Variants in SLC27A6 observed in about 807,000 individuals in gnomAD.
The protein encoded by SLC27A6 is solute carrier family 27 member 6, also known as long-chain fatty acid transport protein 6.
Under a neutral mutation model 63.9 loss-of-function variants are expected in SLC27A6, and 74 were observed. The observed-to-expected ratio is 1.16, with a 90% confidence interval of 0.96 to 1.40. The LOEUF is 1.40. Ranked by LOEUF, SLC27A6 falls within the 40% of genes most tolerant of loss-of-function variation. The probability of loss-of-function intolerance (pLI) is 0.00; values close to 1 mark genes in which losing one functional copy is unlikely to be tolerated. For missense variants in SLC27A6, 794 were observed against 732.9 expected (o/e 1.08, Z -0.96); for synonymous variants, 287 against 260.8 (o/e 1.10, Z -0.97).
chr5:128,967,925 C>G (rs6595871), intron 1 of SLC27A6, among the ~76,000 whole-genome samples: 19 of 151,946 alleles, frequency 1.3e-4, no homozygotes, highest in Non-Finnish European at 2.2e-4. Flanking sequence ...CCCCACCCCA[C>G]GACAGGCCCT....
chr5:129,027,037 T>G, intron 6 of SLC27A6, 96 bp from the exon 7 acceptor site: 4 of 977,060 alleles, frequency 4.1e-6, no homozygotes, highest in Admixed American at 1.9e-5. Flanking sequence ...ATAAGCAGCA[T>G]TGGTTGTGCT....
Position 129,027,173 on chromosome 5 carries a change from T to C in SLC27A6, c.1296T>C (p.Asn432=). 6.2e-7 allele frequency: 1 copy of C among 1,613,442 alleles called. No individual in the cohort carries two copies. Among genetic ancestry groups the C allele is most frequent in the Non-Finnish European group, 8.5e-7 (1 of 1,179,552 alleles). ...TCATTTCTCGAGTGAATGCAAAAAA[T>C]CCCTTCTTTGGCTATGCTGGGCCTT... The part of the protein sequence containing the change: ...GLLISRVNAK[N]PFFGYAGPYK... Residue 432 remains asparagine (N), a synonymous_variant, in exon 7 of 10, where the codon AAT becomes AAC. Transcript: ENST00000262462.
intron 1 of SLC27A6, among the ~76,000 whole-genome samples, chr5:128,981,622 T>C (rs535830992): frequency 6.6e-6 from 1 of 152,258 alleles, no homozygotes; most frequent in South Asian, 2.1e-4. Context: ...AGCAGAAGGA[T>C]GGAGGAGAAC....
At position 128,965,949 on chromosome 5, in the gene SLC27A6, C is replaced by T. The variant is rs1749869263; in HGVS notation, c.-189C>T. On this transcript the variant is annotated 5_prime_UTR_variant, in exon 1 of 10. Coordinates refer to ENST00000262462, the MANE Select transcript of SLC27A6 (RefSeq NM_001017372.3). ...TCAGCACCACTTGGGGCGACCTTTT[C>T]GGTGCAAACCTACGATTCTGTTTCT... is the stretch of plus-strand genomic sequence containing the variant. 8.4e-6 allele frequency: 5 copies of T among 592,102 alleles called. No homozygotes were observed. The highest frequency in any genetic ancestry group is 1.0e-4 in the South Asian group (2 of 19,744). 36.7% of individuals were successfully genotyped at this position (592,102 alleles called of 1,614,324 possible).
At chr5:128,992,574 G>A (rs1751021303) in intron 4 of SLC27A6, among the ~76,000 whole-genome samples, 3 of 152,184 alleles carry the variant, frequency 2.0e-5, no homozygotes, top group African/African-American at 7.2e-5. Context: ...AAGACAAAGA[G>A]TTCCAGATAA....
chr5:128,968,862 G>A (rs536038240), intron 1 of SLC27A6, among the ~76,000 whole-genome samples: 1 of 152,290 alleles, frequency 6.6e-6, no homozygotes, highest in South Asian at 2.1e-4. Context: ...GAATGGTATT[G>A]CCTAGATTTT....
At chr5:129,005,757 C>T (rs932764600) in intron 4 of SLC27A6, among the ~76,000 whole-genome samples, 2 of 151,426 alleles carry the variant, frequency 1.3e-5, no homozygotes, top group Non-Finnish European at 2.9e-5. Flanking sequence ...GGACTACAGG[C>T]GCCTGCCACC....
chr5:128,970,409 G>T (rs1438275247), intron 1 of SLC27A6, among the ~76,000 whole-genome samples: 1 of 152,094 alleles, frequency 6.6e-6, no homozygotes, highest in African/African-American at 2.4e-5. Context: ...TGGTTGGTAG[G>T]CTATTAATTA....
At chr5:129,009,671 TTGTGTG>T (rs71000903) in intron 4 of SLC27A6, among the ~76,000 whole-genome samples, 13 of 149,162 alleles carry the variant, frequency 8.7e-5, no homozygotes, top group Non-Finnish European at 1.3e-4. Flanking sequence ...TAACATTTCT[TTGTGTG>T]TGTGTGTGTG....
At chr5:129,022,049 T>A (rs1752091644) in intron 5 of SLC27A6, among the ~76,000 whole-genome samples, 1 of 152,214 alleles carries the variant, frequency 6.6e-6, no homozygotes, top group Non-Finnish European at 1.5e-5. Flanking sequence ...TTGGCCAAGA[T>A]GATAAAGGCA....
chr5:128,969,299 A>G (rs1750042685), intron 1 of SLC27A6, among the ~76,000 whole-genome samples: 1 of 152,004 alleles, frequency 6.6e-6, no homozygotes, highest in South Asian at 2.1e-4. Flanking sequence ...AATTCTGTGA[A>G]GAAAGTCATT....
rs143794579 is a variant in SLC27A6 at position 129,014,629 on chromosome 5, A to T, written c.970-1256A>T. Among the ~76,000 whole-genome samples, 16 of 152,324 alleles carry T rather than the reference A, an allele frequency of 1.1e-4. No individual in the cohort carries two copies. In the East Asian group the frequency reaches 3.1e-3, roughly 29 times the overall value. Reference sequence around the variant, plus strand: ...CCCAAACTGGTGTCTGTCTGGCTAGACATCTCCAGAGATTACTTTCCAGTC... The same window carrying T: ...CCCAAACTGGTGTCTGTCTGGCTAGTCATCTCCAGAGATTACTTTCCAGTC... On this transcript the variant is annotated intron_variant, in intron 4 of 9. Coordinates refer to ENST00000262462, the MANE Select transcript of SLC27A6 (RefSeq NM_001017372.3).
intron 4 of SLC27A6, among the ~76,000 whole-genome samples, chr5:129,004,354 CTG>C (rs1338313348): frequency 6.6e-6 from 1 of 152,168 alleles, no homozygotes; most frequent in Non-Finnish European, 1.5e-5. Context: ...CTGTCTGGCT[CTG>C]TCTCTCACCT....
intron 4 of SLC27A6, among the ~76,000 whole-genome samples, chr5:129,002,133 A>G (rs1751357176): frequency 6.6e-6 from 1 of 152,220 alleles, no homozygotes; most frequent in Admixed American, 6.5e-5. Flanking sequence ...TCTGTATTAA[A>G]AGCTCTGGGC....
intron 1 of SLC27A6, among the ~76,000 whole-genome samples, chr5:128,981,213 C>T (rs1370834982): frequency 6.6e-6 from 1 of 152,122 alleles, no homozygotes; most frequent in Non-Finnish European, 1.5e-5. Context: ...GGCGTGGTGG[C>T]TCATGTCTAT....
intron 1 of SLC27A6, among the ~76,000 whole-genome samples, chr5:128,979,685 T>C (rs1750517347): frequency 6.6e-6 from 1 of 152,148 alleles, no homozygotes; most frequent in Non-Finnish European, 1.5e-5. Flanking sequence ...TGTTCGACTT[T>C]TTCTTTTTTG....
intron 4 of SLC27A6, among the ~76,000 whole-genome samples, chr5:129,001,487 T>C (rs1751333212): frequency 1.3e-5 from 2 of 152,166 alleles, no homozygotes; most frequent in African/African-American, 4.8e-5. Flanking sequence ...GTGACACATG[T>C]ATATATATAA....
chr5:128,988,543 A>G (rs1750867815), intron 2 of SLC27A6, 57 bp from the exon 3 acceptor site: 2 of 1,350,974 alleles, frequency 1.5e-6, no homozygotes, highest in African/African-American at 2.9e-5. Flanking sequence ...ATATGTATGC[A>G]TATGTATATG....
At chr5:129,009,767 T>C (rs1050530476) in intron 4 of SLC27A6, among the ~76,000 whole-genome samples, 4 of 151,862 alleles carry the variant, frequency 2.6e-5, no homozygotes, top group African/African-American at 7.3e-5. Context: ...CTCCACCCCC[T>C]GGGTTCAAGC....
Sources: allele counts gnomAD v4.1 joint callset (sites outside exome capture counted in the v4.1 genomes callset), GRCh38; gene constraint gnomAD v4.1.1; transcripts MANE v1.5; gene names NCBI Gene and HGNC (gene_info 2026-07-23, HGNC 2026-07-21).